Variants in N4BP2L2 observed in about 807,000 individuals in gnomAD.
N4BP2L2 encodes NEDD4-binding protein 2-like 2.
Under a neutral mutation model 56.2 loss-of-function variants are expected in N4BP2L2, and 50 were observed. The ratio of observed to expected loss-of-function variants is 0.89; its 90% CI spans 0.71 to 1.13. N4BP2L2 has a LOEUF of 1.13. Ranked by LOEUF, N4BP2L2 falls within the 50% of genes most tolerant of loss-of-function variation. The pLI, the probability that N4BP2L2 is intolerant of heterozygous loss-of-function variation, is 0.00. For synonymous variants in N4BP2L2, 203 were observed against 223.6 expected, an observed-to-expected ratio of 0.91 and a Z score of 0.82; for missense variants, 689 against 693.8, an observed-to-expected ratio of 0.99 and a Z score of 0.08.
chr13:32,444,037 T>C (rs1247212798), exon 7 of N4BP2L2: 3 of 1,605,176 alleles, frequency 1.9e-6, no homozygotes, highest in Non-Finnish European at 2.6e-6. Flanking sequence ...CATGATTCTA[T>C]TCTGACTGTT....
chr13:32,463,663 CAAAAAAAAAA>C (rs35920030), intron 6 of N4BP2L2, among the ~76,000 whole-genome samples: 3 of 104,058 alleles, frequency 2.9e-5, no homozygotes, highest in Non-Finnish European at 3.8e-5. Flanking sequence ...GACTTGGTCT[CAAAAAAAAAA>C]AAAAAAAAGG....
intron 6 of N4BP2L2, among the ~76,000 whole-genome samples, chr13:32,481,434 A>G (rs189674587): frequency 3.9e-5 from 6 of 152,284 alleles, no homozygotes; most frequent in Admixed American, 1.3e-4. Flanking sequence ...AGACTCATTC[A>G]CATTACTTAG....
At chr13:32,517,615 TTA>T in exon 6 of N4BP2L2, 1 of 1,385,166 alleles carries the variant, frequency 7.2e-7, no homozygotes, top group South Asian at 1.7e-5. Flanking sequence ...ATAAAAACAT[TTA>T]AAATACAATT....
At position 32,436,084 on chromosome 13, in the gene N4BP2L2, G is replaced by C. The variant is rs140903930; in HGVS notation, c.*21+277C>G. Among the ~76,000 whole-genome samples, 4 of 152,186 alleles carry C rather than the reference G, an allele frequency of 2.6e-5. No individual in the cohort carries two copies. In the East Asian group the frequency reaches 7.7e-4, roughly 29 times the overall value. ...GGAAATGTCTCATAAATTGTGTGTT[G>C]ATAGAATGTTATAAAATATGTTCTA... On this transcript the variant is annotated intron_variant, in intron 9 of 9. Coordinates refer to the N4BP2L2 transcript ENST00000357505.
At chr13:32,462,861 T>TAAAAAAAAAAAAA (rs569068082) in intron 6 of N4BP2L2, among the ~76,000 whole-genome samples, 5 of 51,112 alleles carry the variant, frequency 9.8e-5, no homozygotes, top group African/African-American at 2.4e-4. Flanking sequence ...CTGTCTTTAC[T>TAAAAAAAAAAAAA]AAAAAAAAAA....
intron 5 of N4BP2L2, among the ~76,000 whole-genome samples, chr13:32,518,266 C>T (rs761472126): frequency 2.3e-4 from 35 of 152,094 alleles, no homozygotes; most frequent in Non-Finnish European, 4.4e-4. Context: ...ATTCACTGAG[C>T]CTGCTGACTA....
chr13:32,471,920 C>T (rs559228800), intron 6 of N4BP2L2, among the ~76,000 whole-genome samples: 11 of 152,308 alleles, frequency 7.2e-5, no homozygotes, highest in South Asian at 4.1e-4. Context: ...CCTCACAAAA[C>T]GATATCTAAG....
intron 6 of N4BP2L2, among the ~76,000 whole-genome samples, chr13:32,492,892 G>A (rs964997274): frequency 6.8e-6 from 1 of 146,944 alleles, no homozygotes; most frequent in Non-Finnish European, 1.5e-5. Context: ...ACAACAAAAT[G>A]TGTGAATGTT....
intron 6 of N4BP2L2, among the ~76,000 whole-genome samples, chr13:32,476,859 G>A (rs560694495): frequency 6.6e-6 from 1 of 152,314 alleles, no homozygotes; most frequent in Admixed American, 6.5e-5. Flanking sequence ...ACCCCTGGCA[G>A]TGTGGTGCAA....
chr13:32,516,896 A>G, exon 6 of N4BP2L2: 1 of 984,842 alleles, frequency 1.0e-6, no homozygotes, highest in Non-Finnish European at 1.2e-6. Context: ...TCTGAAATGA[A>G]TTCCATCTCA....
chr13:32,491,724 C>T (rs868472679), intron 6 of N4BP2L2, among the ~76,000 whole-genome samples: 4 of 150,778 alleles, frequency 2.7e-5, no homozygotes, highest in African/African-American at 9.8e-5. Context: ...CTCCACCTCC[C>T]GGGTTCAAGC....
chr13:32,456,115 AC>A (rs2078942070), intron 6 of N4BP2L2, among the ~76,000 whole-genome samples: 1 of 152,030 alleles, frequency 6.6e-6, no homozygotes, highest in African/African-American at 2.4e-5. Context: ...CATATATGCC[AC>A]CCAGAGGCCC....
chr13:32,442,755 A>G, exon 7 of N4BP2L2: 1 of 1,613,550 alleles, frequency 6.2e-7, no homozygotes, highest in Non-Finnish European at 8.5e-7. Flanking sequence ...AAGAAGGAAT[A>G]TAATTTTTGT....
intron 6 of N4BP2L2, among the ~76,000 whole-genome samples, chr13:32,493,506 T>A (rs2087714868): frequency 6.6e-6 from 1 of 152,260 alleles, no homozygotes; most frequent in Non-Finnish European, 1.5e-5. Flanking sequence ...AAAAATTATG[T>A]AACTTCTCGT....
intron 6 of N4BP2L2, chr13:32,446,227 AG>A: frequency 2.0e-6 from 1 of 498,390 alleles, no homozygotes; most frequent in Non-Finnish European, 3.4e-6. Context: ...ACACATTTCT[AG>A]ATATTGGTTT....
intron 6 of N4BP2L2, among the ~76,000 whole-genome samples, chr13:32,476,715 C>G (rs1248912424): frequency 6.6e-6 from 1 of 152,056 alleles, no homozygotes. Context: ...GAACAAGGAA[C>G]AGCAAAAACA....
exon 2 of N4BP2L2, chr13:32,536,981 T>A (rs752437375): frequency 6.2e-7 from 1 of 1,606,370 alleles, no homozygotes; most frequent in Non-Finnish European, 8.5e-7. Context: ...ACTCGTTACT[T>A]CTTCTCTAGG....
intron 6 of N4BP2L2, among the ~76,000 whole-genome samples, chr13:32,456,814 T>C (rs1328203798): frequency 2.6e-5 from 4 of 152,198 alleles, no homozygotes; most frequent in Admixed American, 6.5e-5. Context: ...CAAGTCTTTT[T>C]AAATAACCCA....
intron 6 of N4BP2L2, among the ~76,000 whole-genome samples, chr13:32,491,394 T>G (rs2087020277): frequency 1.3e-5 from 2 of 152,060 alleles, no homozygotes; most frequent in Admixed American, 1.3e-4. Context: ...TTTATGTGGA[T>G]GTAGAAAAAT....
Sources: allele counts gnomAD v4.1 joint callset (sites outside exome capture counted in the v4.1 genomes callset), GRCh38; gene constraint gnomAD v4.1.1; transcripts MANE v1.5; gene names NCBI Gene and HGNC (gene_info 2026-07-23, HGNC 2026-07-21).